The following RPTOR variants were observed in gnomAD, a reference collection of about 807,000 sequenced individuals.
The protein encoded by RPTOR is regulatory-associated protein of mTOR.
A neutral mutation model predicts 169.9 loss-of-function variants in RPTOR; 21 were observed. That is an observed-to-expected ratio of 0.12 (90% CI 0.09 to 0.18). RPTOR has a LOEUF of 0.18. RPTOR is among the 10% of genes least tolerant of loss of function. The probability of loss-of-function intolerance (pLI) is 1.00; values close to 1 mark genes in which losing one functional copy is unlikely to be tolerated. For missense variants in RPTOR, 1,133 were observed against 1,855.9 expected (o/e 0.61, Z 7.16); for synonymous variants, 732 against 753.2 (o/e 0.97, Z 0.46).
chr17:80,826,892 AC>A (rs1260690363), intron 9 of RPTOR, among the ~76,000 whole-genome samples: 2 of 152,260 alleles, frequency 1.3e-5, no homozygotes, highest in Non-Finnish European at 2.9e-5. Flanking sequence ...GGCAGAAGAA[AC>A]ATTATGCGCT....
chr17:80,613,654 C>T (rs1359640924), intron 1 of RPTOR, among the ~76,000 whole-genome samples: 2 of 148,632 alleles, frequency 1.3e-5, no homozygotes, highest in African/African-American at 5.2e-5. Flanking sequence ...GTGTTGGACT[C>T]GGGCTGGGCC....
At chr17:80,603,578 C>T (rs758233807) in intron 1 of RPTOR, among the ~76,000 whole-genome samples, 1 of 152,164 alleles carries the variant, frequency 6.6e-6, no homozygotes, top group Non-Finnish European at 1.5e-5. Flanking sequence ...ACTCACAGGA[C>T]TCAGGATCTA....
chr17:80,920,589 C>A (rs893800664), intron 21 of RPTOR, among the ~76,000 whole-genome samples: 1 of 152,246 alleles, frequency 6.6e-6, no homozygotes, highest in Admixed American at 6.5e-5. Flanking sequence ...ATGCGGTACT[C>A]CCACGGGCGC....
chr17:80,826,666 C>T (rs1440366319), intron 9 of RPTOR, among the ~76,000 whole-genome samples: 2 of 152,264 alleles, frequency 1.3e-5, no homozygotes, highest in Admixed American at 6.5e-5. Flanking sequence ...ACTGTGTCCC[C>T]ATGGTTGGGT....
intron 25 of RPTOR, among the ~76,000 whole-genome samples, chr17:80,940,818 G>A (rs1441523281): frequency 6.6e-6 from 1 of 152,220 alleles, no homozygotes; most frequent in Non-Finnish European, 1.5e-5. Context: ...GCAGCCCAGA[G>A]TGGGGAGGGG....
rs1336755274 is a variant in RPTOR at position 80,659,822 on chromosome 17, T to A, written c.348+16012T>A. Among the ~76,000 whole-genome samples the A allele has an allele frequency of 6.6e-6, 1 of 152,090 alleles. No homozygotes were observed. The highest frequency in any genetic ancestry group is 2.1e-4 in the South Asian group (1 of 4,822). ...CGGACCATCTGGCTAATTTAAAAAA[T>A]TTTTTTGTAGAGATAAGGTCTTGCT... On this transcript the variant is annotated intron_variant, in intron 3 of 33. Coordinates refer to ENST00000306801, the MANE Select transcript of RPTOR (RefSeq NM_020761.3). This position sits in a 1 kb window ranked among gnomAD's most constrained non-coding sequence, Gnocchi z 4.3.
At chr17:80,961,549 G>A (rs576593789) in intron 31 of RPTOR, 69 bp downstream of exon 31, 17 of 1,464,946 alleles carry the variant, frequency 1.2e-5, no homozygotes, top group African/African-American at 2.8e-5. Context: ...TTTAAAATAC[G>A]TCCTTGGTAT....
chr17:80,855,367 G>A (rs1478284361), intron 11 of RPTOR, 97 bp from the exon 12 acceptor site: 2 of 871,750 alleles, frequency 2.3e-6, no homozygotes, highest in African/African-American at 1.6e-5. Context: ...CTGAACTGTG[G>A]TCAGACCGCT....
chr17:80,606,219 C>G (rs1250276937), intron 1 of RPTOR, among the ~76,000 whole-genome samples: 3 of 151,876 alleles, frequency 2.0e-5, no homozygotes, highest in African/African-American at 7.3e-5. Flanking sequence ...ACCATGTTAG[C>G]CAGGGTGGTC....
chr17:80,599,813 G>A lies in RPTOR; in HGVS notation c.163-25878G>A, dbSNP rs576382268. Among the ~76,000 whole-genome samples, 6 of 152,300 alleles carry A rather than the reference G, an allele frequency of 3.9e-5. No homozygotes were observed. The South Asian group carries it at 1.2e-3, about 32-fold the overall frequency. On this transcript the variant is annotated intron_variant, in intron 1 of 33. Coordinates refer to ENST00000306801, the MANE Select transcript of RPTOR (RefSeq NM_020761.3). ...AGGGGCCCCTTGTTAGGTGGTGGTG[G>A]GAAGCCTGGTGTCATTGTTGCTGTG...
rs1416669289 is a variant in RPTOR, at chr17:80,708,530, T to C, written c.507+531T>C. ...TGCTCCCCTTCTGTAGCTGTTGCTG[T>C]GGGTGGTGGGTGCTGACTGTCATCC... On this transcript the variant is annotated intron_variant, in intron 4 of 33. Transcript: ENST00000306801. This position sits in a 1 kb window ranked among gnomAD's most constrained non-coding sequence, Gnocchi z 4.2. Among the ~76,000 whole-genome samples, 1 of 152,050 alleles carries C rather than the reference T, an allele frequency of 6.6e-6. No homozygotes were observed. Among genetic ancestry groups the C allele is most frequent in the Non-Finnish European group, 1.5e-5 (1 of 68,004 alleles).
chr17:80,907,609 G>C (rs1038747411), intron 20 of RPTOR, among the ~76,000 whole-genome samples: 2 of 152,234 alleles, frequency 1.3e-5, no homozygotes, highest in East Asian at 1.9e-4. Flanking sequence ...AATGCTGACT[G>C]TGCCAGGAGC....
intron 3 of RPTOR, among the ~76,000 whole-genome samples, chr17:80,675,623 C>T (rs2065855974): frequency 6.6e-6 from 1 of 152,206 alleles, no homozygotes; most frequent in Non-Finnish European, 1.5e-5. Flanking sequence ...CCCATGACTG[C>T]AACGCCCCAC....
chr17:80,694,200 C>T lies in RPTOR; in HGVS notation c.349-13641C>T, dbSNP rs76123480. Among the ~76,000 whole-genome samples the T allele has an allele frequency of 1.4e-3, 219 of 152,298 alleles. 1 individual carries two copies. Among genetic ancestry groups the T allele is most frequent in the African/African-American group, 5.1e-3 (212 of 41,582 alleles). ...GCTTCATTCAGAGTGGGTGGGGAGG[C>T]GACAGGTCGAGGCAGTTGCCCCGTG... On this transcript the variant is annotated intron_variant, in intron 3 of 33. Transcript: ENST00000306801.
intron 10 of RPTOR, among the ~76,000 whole-genome samples, chr17:80,840,655 C>CCACACGGCAGCTCACA (rs2067627634): frequency 4.5e-5 from 2 of 44,570 alleles, no homozygotes; most frequent in Non-Finnish European, 8.4e-5. Context: ...CTCACTCTCA[C>CCACACGGCAGCTCACA]CACACCACAG....
chr17:80,711,772 T>A (rs1275972328), intron 4 of RPTOR, among the ~76,000 whole-genome samples: 1 of 126,314 alleles, frequency 7.9e-6, no homozygotes, highest in Non-Finnish European at 1.8e-5. Context: ...AGGTTAAGTC[T>A]CCCTCTGTCG....
chr17:80,837,477 G>T (rs993627248), intron 9 of RPTOR, among the ~76,000 whole-genome samples: 1 of 152,204 alleles, frequency 6.6e-6, no homozygotes, highest in Non-Finnish European at 1.5e-5. Context: ...CTTTGGGCCT[G>T]GCCCTGGTGT....
At position 80,608,191 on chromosome 17, in the gene RPTOR, C is replaced by T. The variant is rs187677370; in HGVS notation, c.163-17500C>T. ...ACTCCTGCCACCTGCCCCTGCCCGA[C>T]GGCGCAGCACAGTGACAGCGACTTT... On this transcript the variant is annotated intron_variant, in intron 1 of 33. Coordinates refer to ENST00000306801, the MANE Select transcript of RPTOR (RefSeq NM_020761.3). 1.3e-3 allele frequency among the ~76,000 whole-genome samples: 195 copies of T among 152,334 alleles called. 1 individual carries two copies. The highest frequency in any genetic ancestry group is 4.6e-3 in the African/African-American group (191 of 41,584).
At chr17:80,781,895 C>A (rs1159770059) in intron 6 of RPTOR, among the ~76,000 whole-genome samples, 1 of 152,228 alleles carries the variant, frequency 6.6e-6, no homozygotes, top group Non-Finnish European at 1.5e-5. Flanking sequence ...TTTAGACCTC[C>A]TTCTAGCTGA....
Sources: allele counts gnomAD v4.1 joint callset (sites outside exome capture counted in the v4.1 genomes callset), GRCh38; gene constraint gnomAD v4.1.1; non-coding constraint Gnocchi (gnomAD v3.1); transcripts MANE v1.5; gene names NCBI Gene and HGNC (gene_info 2026-07-23, HGNC 2026-07-21).